The following RAD21 variants were observed in gnomAD, a reference collection of about 807,000 sequenced individuals.
The protein encoded by RAD21 is double-strand-break repair protein rad21 homolog.
RAD21 carries 18 observed loss-of-function variants against 71.5 expected under a neutral mutation model. The ratio of observed to expected loss-of-function variants is 0.25; its 90% CI spans 0.17 to 0.37. RAD21 has a LOEUF of 0.37. Among genes scored for constraint, RAD21 ranks in the 10% least tolerant of loss-of-function variants. The pLI is 1.00. For missense variants in RAD21, 493 were observed against 769.1 expected, an observed-to-expected ratio of 0.64 and a Z score of 4.25; for synonymous variants, 248 against 254.0, an observed-to-expected ratio of 0.98 and a Z score of 0.22.
chr8:116,866,539 C>T, intron 2 of RAD21, 47 bp downstream of exon 2: 3 of 1,553,200 alleles, frequency 1.9e-6, no homozygotes, highest in South Asian at 1.2e-5. Context: ...TTTCACATAT[C>T]AATAAACAAT....
At chr8:116,855,510 C>CT (rs1301384587) in intron 8 of RAD21, among the ~76,000 whole-genome samples, 1 of 151,962 alleles carries the variant, frequency 6.6e-6, no homozygotes, top group African/African-American at 2.4e-5. Flanking sequence ...AAAAAAATTT[C>CT]TTTTTTCAGA....
At chr8:116,851,748 G>C in intron 11 of RAD21, 200 bp downstream of exon 11, 1 of 468,678 alleles carries the variant, frequency 2.1e-6, no homozygotes, top group Non-Finnish European at 3.7e-6. Flanking sequence ...AAAAGAGTCA[G>C]GAAAGACTGC....
In RAD21 at chr8:116,852,082, C is replaced by T. The variant is rs1218479823; in HGVS notation, c.1336G>A (p.Glu446Lys). ...GACTCCTGGAGGCGGCTTGGCTCTT[C>T]AATAATGGGCTCATCTGCAATTGGT... ...QRDVIDEPII[E>K]EPSRLQESVM... Residue 446 changes from glutamate to lysine, a missense_variant, in exon 11 of 14, where the codon GAA (glutamate) becomes AAA (lysine). This residue lies in a region of RAD21 where 225 missense variants were observed against 218.3 expected (regional missense o/e 1.03). Transcript: ENST00000297338. 3 of 1,605,332 alleles carry T rather than the reference C, an allele frequency of 1.9e-6. No individual in the cohort carries two copies. The highest frequency in any genetic ancestry group is 2.6e-6 in the Non-Finnish European group (3 of 1,172,852).
chr8:116,852,298 A>C, intron 10 of RAD21: 1 of 635,362 alleles, frequency 1.6e-6, no homozygotes, highest in African/African-American at 1.8e-5. Context: ...TAAAAGGACA[A>C]GTCCTACCCT....
chr8:116,846,293 ATTT>A lies in RAD21; in HGVS notation c.*1204_*1206del, dbSNP rs16918579. ...CACTGAAGTCTGAGTTTCAAAAGTG[ATTT>A]TTTTTTCCCACAAAAGTTTCAACAC... On this transcript the variant is annotated 3_prime_UTR_variant, in exon 14 of 14. Transcript: ENST00000297338. 1 of 229,600 alleles carries A rather than the reference ATTT, an allele frequency of 4.4e-6. No homozygotes were observed. The highest frequency in any genetic ancestry group is 8.6e-6 in the Non-Finnish European group (1 of 115,880). The allele number at this position is 229,600 out of a possible 1,614,324, so 14.2% of individuals were successfully genotyped here. A position where few individuals can be genotyped will look rare whatever the true frequency, so the allele number is the denominator to read the frequency against.
At chr8:116,863,431 C>T (rs1812629473) in intron 2 of RAD21, among the ~76,000 whole-genome samples, 172 bp from the exon 3 acceptor site, 2 of 152,024 alleles carry the variant, frequency 1.3e-5, no homozygotes, top group Admixed American at 6.6e-5. Context: ...TGGAAATTCA[C>T]GAATTAACAC....
At chr8:116,869,296 CA>C (rs1278996153) in intron 1 of RAD21, among the ~76,000 whole-genome samples, 1 of 152,050 alleles carries the variant, frequency 6.6e-6, no homozygotes, top group Non-Finnish European at 1.5e-5. Context: ...AGAAAGTAAG[CA>C]AAAGAGGCCA....
chr8:116,860,387 T>C (rs368484834), intron 4 of RAD21, among the ~76,000 whole-genome samples: 2 of 152,302 alleles, frequency 1.3e-5, no homozygotes, highest in East Asian at 3.9e-4. Flanking sequence ...TCGGGTAGCA[T>C]TGTACGCTAC....
At chr8:116,849,099 C>G in intron 12 of RAD21, 70 bp from the exon 13 acceptor site, 1 of 1,053,480 alleles carries the variant, frequency 9.5e-7, no homozygotes. Flanking sequence ...TCTACATCTC[C>G]TAAAAGCTCC....
chr8:116,865,781 C>T (rs1333243324), intron 2 of RAD21, among the ~76,000 whole-genome samples: 2 of 152,050 alleles, frequency 1.3e-5, no homozygotes, highest in Non-Finnish European at 1.5e-5. Context: ...AAAACTAACA[C>T]AATGATTGTT....
In RAD21 at chr8:116,856,292, TA is replaced by T. The variant is rs35902828; in HGVS notation, c.815-5del. ...TCAGGACTATCAGGCCCACCCACTG[TA>T]AAAAAAAAAAAAAAAAAAAAAAGTC... On this transcript the variant is annotated splice_polypyrimidine_tract_variant and splice_region_variant and intron_variant, in intron 7 of 13. Transcript: ENST00000297338. 296,894 of 1,140,138 alleles carry T rather than the reference TA, an allele frequency of 0.26. 3,431 individuals are homozygous for T. The highest frequency in any genetic ancestry group is 0.38 in the African/African-American group (17,694 of 46,932). The allele number at this position is 1,140,138 out of a possible 1,614,324, so 70.6% of individuals were successfully genotyped here.
At chr8:116,874,511 C>T (rs868254903) in intron 1 of RAD21, 100 bp downstream of exon 1, 43 of 247,052 alleles carry the variant, frequency 1.7e-4, no homozygotes, top group Middle Eastern at 3.0e-3. Flanking sequence ...TCTCCCTCGC[C>T]CTCCCGCCCC....
At chr8:116,854,570 C>T (rs1812423229) in intron 8 of RAD21, 102 bp from the exon 9 acceptor site, 2 of 826,318 alleles carry the variant, frequency 2.4e-6, no homozygotes, top group Non-Finnish European at 3.9e-6. Flanking sequence ...TTTCTACACA[C>T]AGACTCTAGC....
At chr8:116,856,900 T>A (rs1812481333) in intron 6 of RAD21, 129 bp from the exon 7 acceptor site, 3 of 604,170 alleles carry the variant, frequency 5.0e-6, no homozygotes, top group Non-Finnish European at 7.7e-6. Flanking sequence ...TTTATCTGTT[T>A]CTCCTCCAGG....
intron 1 of RAD21, among the ~76,000 whole-genome samples, chr8:116,870,448 T>C (rs16889103): frequency 0.024 from 3,598 of 152,346 alleles, 145 homozygotes; most frequent in African/African-American, 0.081. Context: ...GGTACGAGCA[T>C]TAAATAACAC....
intron 1 of RAD21, among the ~76,000 whole-genome samples, chr8:116,867,984 T>C (rs577086082): frequency 9.2e-5 from 14 of 152,250 alleles, no homozygotes; most frequent in South Asian, 2.1e-4. Flanking sequence ...CATTCATCCC[T>C]CTCTCTCTGC....
rs35902828 is a variant in RAD21, at chr8:116,856,292, T to TAAAAAAAAAAA, written c.815-15_815-5dup. ...TCAGGACTATCAGGCCCACCCACTG[T>TAAAAAAAAAAA]AAAAAAAAAAAAAAAAAAAAAAAGT... On this transcript the variant is annotated splice_region_variant and splice_polypyrimidine_tract_variant and intron_variant, in intron 7 of 13. Coordinates refer to ENST00000297338, the MANE Select transcript of RAD21 (RefSeq NM_006265.3). 1.1e-6 allele frequency: 1 copy of TAAAAAAAAAAA among 898,856 alleles called. No homozygotes were observed. The highest frequency in any genetic ancestry group is 2.4e-5 in the African/African-American group (1 of 42,108). 55.7% of individuals were successfully genotyped at this position (898,856 alleles called of 1,614,324 possible).
At chr8:116,850,415 A>G (rs1812324471) in intron 12 of RAD21, among the ~76,000 whole-genome samples, 1 of 152,228 alleles carries the variant, frequency 6.6e-6, no homozygotes, top group African/African-American at 2.4e-5. Context: ...CCCACAAGAG[A>G]GCCAATGAGT....
intron 6 of RAD21, among the ~76,000 whole-genome samples, 169 bp from the exon 7 acceptor site, chr8:116,856,940 TATAAAAAAAAATTCTC>T (rs1261857174): frequency 6.6e-6 from 1 of 152,138 alleles, no homozygotes; most frequent in African/African-American, 2.4e-5. Context: ...ACACTTGGTA[TATAAAAAAAAATTCTC>T]ATTCTTCATT....
Sources: gnomAD v4.1 joint callset for allele counts (sites outside exome capture counted in the v4.1 genomes callset) on GRCh38, gnomAD v4.1.1 for gene constraint, gnomAD v4.1.1 regional missense constraint, MANE v1.5 for transcripts, NCBI Gene and HGNC (gene_info 2026-07-23, HGNC 2026-07-21) for gene names.